The following CAMTA1 variants were observed in gnomAD, a reference collection of about 807,000 sequenced individuals.
The protein encoded by CAMTA1 is calmodulin-binding transcription activator 1.
A neutral mutation model predicts 170.9 loss-of-function variants in CAMTA1; 27 were observed. The observed-to-expected ratio is 0.16, with a 90% CI of 0.12 to 0.22. The LOEUF (loss-of-function observed/expected upper bound fraction) is 0.22, where lower values mean the gene tolerates loss of function less well. Ranked by LOEUF, CAMTA1 falls within the 10% of genes least tolerant of loss-of-function variation. CAMTA1 has a pLI of 1.00. For missense variants in CAMTA1, 1,619 were observed against 2,217.2 expected, an observed-to-expected ratio of 0.73 and a Z score of 5.42; for synonymous variants, 833 against 891.5, an observed-to-expected ratio of 0.93 and a Z score of 1.17.
chr1:7,543,775 T>A (rs2094646880), intron 6 of CAMTA1, among the ~76,000 whole-genome samples: 1 of 152,174 alleles, frequency 6.6e-6, no homozygotes, highest in Non-Finnish European at 1.5e-5. Flanking sequence ...ATCAGTGAGA[T>A]TTGCTTCATC....
At chr1:7,410,289 A>G (rs1241762709) in intron 5 of CAMTA1, among the ~76,000 whole-genome samples, 4 of 152,356 alleles carry the variant, frequency 2.6e-5, no homozygotes, top group Admixed American at 6.5e-5. Flanking sequence ...TGAGCCCCCA[A>G]AAACTGGTGG....
intron 4 of CAMTA1, among the ~76,000 whole-genome samples, chr1:7,101,283 A>C: frequency 6.6e-6 from 1 of 152,172 alleles, no homozygotes; most frequent in East Asian, 1.9e-4. Flanking sequence ...GATCTAATAA[A>C]TTGTTACTCG....
chr1:6,801,167 A>G (rs1643766738), intron 1 of CAMTA1, among the ~76,000 whole-genome samples: 1 of 152,252 alleles, frequency 6.6e-6, no homozygotes, highest in African/African-American at 2.4e-5. Context: ...GATTTCTTCC[A>G]GGCATTCTGG....
In CAMTA1 at chr1:7,303,099, T is replaced by C. The variant is rs554596372; in HGVS notation, c.438+53473T>C. 1.2e-4 allele frequency among the ~76,000 whole-genome samples: 18 copies of C among 152,300 alleles called. No individual in the cohort carries two copies. In the South Asian group the frequency reaches 3.7e-3, roughly 32 times the overall value. ...GGAGCATTATATGAGTTACGACATG[T>C]AAAGCATTTATTTAGAGTGGTGCCT... is the stretch of plus-strand genomic sequence containing the variant. On this transcript the variant is annotated intron_variant, in intron 5 of 22. Transcript: ENST00000303635.
intron 5 of CAMTA1, among the ~76,000 whole-genome samples, chr1:7,361,638 C>G (rs976457662): frequency 6.6e-6 from 1 of 152,200 alleles, no homozygotes; most frequent in Admixed American, 6.5e-5. Flanking sequence ...AGATGAATCT[C>G]ATTTCATGCA....
At position 7,455,944 on chromosome 1, in the gene CAMTA1, A is replaced by G. The variant is rs1337468122; in HGVS notation, c.439-11886A>G. Among the ~76,000 whole-genome samples, 2 of 152,188 alleles carry G rather than the reference A, an allele frequency of 1.3e-5. No individual in the cohort carries two copies. Among genetic ancestry groups the G allele is most frequent in the Admixed American group, 1.3e-4 (2 of 15,280 alleles). Reference sequence around the variant, plus strand: ...GTGTAGCCGAAGCTCCCAGCGCCAGAGGGTACAGCCTGAGCCTCCTTACCA... The same window carrying G: ...GTGTAGCCGAAGCTCCCAGCGCCAGGGGGTACAGCCTGAGCCTCCTTACCA... On this transcript the variant is annotated intron_variant, in intron 5 of 22. Coordinates refer to ENST00000303635, the MANE Select transcript of CAMTA1 (RefSeq NM_015215.4). This position sits in a 1 kb window ranked among gnomAD's most constrained non-coding sequence, Gnocchi z 5.0.
intron 5 of CAMTA1, among the ~76,000 whole-genome samples, chr1:7,398,442 C>T (rs1482631886): frequency 6.6e-6 from 1 of 151,532 alleles, no homozygotes; most frequent in East Asian, 1.9e-4. Flanking sequence ...ATATCATTTT[C>T]CATCTGCATG....
chr1:7,268,739 A>G (rs959867960), intron 5 of CAMTA1, among the ~76,000 whole-genome samples: 3 of 152,262 alleles, frequency 2.0e-5, no homozygotes, highest in African/African-American at 7.2e-5. Flanking sequence ...TCAACAGTAT[A>G]TCATTCACAA....
At chr1:6,803,194 T>C (rs972489630) in intron 1 of CAMTA1, among the ~76,000 whole-genome samples, 3 of 152,326 alleles carry the variant, frequency 2.0e-5, no homozygotes, top group African/African-American at 7.2e-5. Context: ...AGTTCAGCTA[T>C]TTGGGTGGGC....
intron 5 of CAMTA1, among the ~76,000 whole-genome samples, chr1:7,353,488 T>C (rs972048692): frequency 2.0e-5 from 3 of 149,146 alleles, no homozygotes; most frequent in Non-Finnish European, 4.4e-5. Flanking sequence ...TGCAATGGCA[T>C]GATCGTGGCT....
At chr1:7,478,592 G>C (rs1476281912) in intron 6 of CAMTA1, among the ~76,000 whole-genome samples, 1 of 152,268 alleles carries the variant, frequency 6.6e-6, no homozygotes, top group Admixed American at 6.5e-5. Context: ...GAACTTGTCA[G>C]TCTCTTAATC....
intron 3 of CAMTA1, among the ~76,000 whole-genome samples, chr1:7,036,217 G>A (rs78524924): frequency 0.015 from 2,228 of 152,180 alleles, 21 homozygotes; most frequent in Non-Finnish European, 0.021. Flanking sequence ...AAATACGATT[G>A]GTTGGCACGC....
chr1:6,857,965 G>A (rs1663073461), intron 3 of CAMTA1, among the ~76,000 whole-genome samples: 1 of 152,214 alleles, frequency 6.6e-6, no homozygotes, highest in Non-Finnish European at 1.5e-5. Flanking sequence ...AGAGATTTTA[G>A]TTTTACTCAC....
intron 3 of CAMTA1, among the ~76,000 whole-genome samples, chr1:6,996,237 G>A (rs1056021587): frequency 5.3e-5 from 8 of 152,184 alleles, no homozygotes; most frequent in Non-Finnish European, 1.5e-5. Context: ...GCATTTTTCT[G>A]CTCATATATC....
At chr1:7,114,417 T>C (rs559163256) in intron 4 of CAMTA1, among the ~76,000 whole-genome samples, 1 of 125,374 alleles carries the variant, frequency 8.0e-6, no homozygotes, top group South Asian at 2.5e-4. Context: ...GGGCCACACA[T>C]AAAATAGTCT....
At chr1:6,799,897 T>A (rs925426774) in intron 1 of CAMTA1, among the ~76,000 whole-genome samples, 2 of 152,088 alleles carry the variant, frequency 1.3e-5, no homozygotes, top group Non-Finnish European at 2.9e-5. Flanking sequence ...AAGTCGGAGA[T>A]ATGGAATTTC....
At chr1:7,275,665 A>ATT (rs1389080046) in intron 5 of CAMTA1, among the ~76,000 whole-genome samples, 1 of 152,156 alleles carries the variant, frequency 6.6e-6, no homozygotes, top group African/African-American at 2.4e-5. Flanking sequence ...TGGCAACTTC[A>ATT]ATGAAATGGA....
intron 6 of CAMTA1, among the ~76,000 whole-genome samples, chr1:7,579,231 G>A (rs1160926707): frequency 6.6e-6 from 1 of 152,240 alleles, no homozygotes; most frequent in Non-Finnish European, 1.5e-5. Flanking sequence ...TCATGCCCAA[G>A]CCTTTGGACA....
At chr1:7,579,879 G>A (rs1157221637) in intron 6 of CAMTA1, among the ~76,000 whole-genome samples, 1 of 152,184 alleles carries the variant, frequency 6.6e-6, no homozygotes. Flanking sequence ...ACTTTCTTAA[G>A]TTTCTGGACA....
Sources: allele counts gnomAD v4.1 joint callset (sites outside exome capture counted in the v4.1 genomes callset), GRCh38; gene constraint gnomAD v4.1.1; non-coding constraint Gnocchi (gnomAD v3.1); transcripts MANE v1.5; gene names NCBI Gene and HGNC (gene_info 2026-07-23, HGNC 2026-07-21).